Variants in GRIP1 observed in about 807,000 individuals in gnomAD.
GRIP1 encodes the protein glutamate receptor interacting protein 1, also known as glutamate receptor-interacting protein 1.
GRIP1 carries 45 observed loss-of-function variants against 129.9 expected under a neutral mutation model. That is an observed-to-expected ratio of 0.35 (90% CI 0.27 to 0.44). GRIP1 has a LOEUF of 0.44. Ranked by LOEUF, GRIP1 falls within the 20% of genes least tolerant of loss-of-function variation. The pLI is 1.00. For synonymous variants in GRIP1, 530 were observed against 520.8 expected, an observed-to-expected ratio of 1.02 and a Z score of -0.24; for missense variants, 1,196 against 1,396.8, an observed-to-expected ratio of 0.86 and a Z score of 2.29.
At chr12:66,351,490 G>T (rs1219576559) in intron 24 of GRIP1, among the ~76,000 whole-genome samples, 1 of 151,344 alleles carries the variant, frequency 6.6e-6, no homozygotes, top group Non-Finnish European at 1.5e-5. Context: ...AGAGAATAAG[G>T]TACTATCCCT....
At chr12:66,570,214 C>A (rs1278302139) in intron 2 of GRIP1, among the ~76,000 whole-genome samples, 2 of 152,104 alleles carry the variant, frequency 1.3e-5, no homozygotes, top group Admixed American at 6.5e-5. Flanking sequence ...AATTCCTGGG[C>A]TCAAGTGATC....
intron 2 of GRIP1, chr12:66,568,732 A>G (rs1006922719): frequency 8.6e-6 from 2 of 231,548 alleles, no homozygotes; most frequent in Non-Finnish European, 1.7e-5. Flanking sequence ...TTGTATTTAG[A>G]GAAGCCATTG....
At chr12:66,712,050 A>C (rs766270070) in intron 1 of GRIP1, among the ~76,000 whole-genome samples, 1 of 151,962 alleles carries the variant, frequency 6.6e-6, no homozygotes, top group Non-Finnish European at 1.5e-5. Flanking sequence ...GTTGTAGAAA[A>C]GTGACATTTT....
At chr12:66,699,519 G>A (rs570392821) in intron 1 of GRIP1, among the ~76,000 whole-genome samples, 5 of 152,014 alleles carry the variant, frequency 3.3e-5, no homozygotes, top group Non-Finnish European at 5.9e-5. Flanking sequence ...TCTTCCATTT[G>A]CTCTTGACTG....
chr12:66,890,266 T>G (rs2040637047), intron 1 of GRIP1, among the ~76,000 whole-genome samples: 1 of 152,140 alleles, frequency 6.6e-6, no homozygotes, highest in Admixed American at 6.6e-5. Context: ...ACATAGCCAT[T>G]TGGTGGCAAA....
At chr12:66,638,294 C>G (rs2031597447) in intron 1 of GRIP1, among the ~76,000 whole-genome samples, 1 of 152,112 alleles carries the variant, frequency 6.6e-6, no homozygotes, top group African/African-American at 2.4e-5. Flanking sequence ...TTACATATAA[C>G]TGTTTTAGGT....
chr12:67,069,170 C>T, upstream of GRIP1: 1 of 924,022 alleles, frequency 1.1e-6, no homozygotes, highest in Non-Finnish European at 1.3e-6. Flanking sequence ...TTCTCCGGGG[C>T]TCTCCGCGCC....
intron 1 of GRIP1, among the ~76,000 whole-genome samples, chr12:66,946,344 G>A (rs1195749530): frequency 6.6e-6 from 1 of 152,150 alleles, no homozygotes; most frequent in Non-Finnish European, 1.5e-5. Flanking sequence ...TAGAGGTCCT[G>A]AGATTGCAGA....
At chr12:66,550,644 A>G (rs535316698) in intron 2 of GRIP1, among the ~76,000 whole-genome samples, 104 of 152,208 alleles carry the variant, frequency 6.8e-4, no homozygotes, top group Non-Finnish European at 7.2e-4. Context: ...GAGCAATGTG[A>G]CAATCAAAGA....
intron 1 of GRIP1, among the ~76,000 whole-genome samples, chr12:66,912,868 T>G (rs2041053677): frequency 6.6e-6 from 1 of 152,162 alleles, no homozygotes; most frequent in Non-Finnish European, 1.5e-5. Flanking sequence ...ATTATTTTCT[T>G]TCTCTACTCA....
chr12:66,405,249 T>A (rs2057149484), intron 16 of GRIP1, among the ~76,000 whole-genome samples: 1 of 152,018 alleles, frequency 6.6e-6, no homozygotes, highest in African/African-American at 2.4e-5. Context: ...CAAAAAGACT[T>A]GTAAGTATAA....
intron 11 of GRIP1, among the ~76,000 whole-genome samples, chr12:66,450,979 A>G (rs1302506558): frequency 6.6e-6 from 1 of 152,202 alleles, no homozygotes; most frequent in African/African-American, 2.4e-5. Context: ...CTCTAGTAGC[A>G]GATGCTTCCG....
intron 1 of GRIP1, among the ~76,000 whole-genome samples, chr12:66,859,189 C>T (rs2040057587): frequency 7.1e-6 from 1 of 140,516 alleles, no homozygotes; most frequent in South Asian, 2.4e-4. Context: ...CTCTAAAATA[C>T]TAAACGCAAC....
At chr12:66,575,183 A>G (rs906744107) in intron 2 of GRIP1, among the ~76,000 whole-genome samples, 3 of 152,190 alleles carry the variant, frequency 2.0e-5, no homozygotes, top group Non-Finnish European at 2.9e-5. Context: ...GTGACTGATG[A>G]TAACAGTGGT....
chr12:67,025,746 C>A (rs1325351661), intron 1 of GRIP1, among the ~76,000 whole-genome samples: 2 of 151,984 alleles, frequency 1.3e-5, no homozygotes, highest in Non-Finnish European at 2.9e-5. Flanking sequence ...CTAGGTTTAC[C>A]CCAAGTGTGG....
intron 1 of GRIP1, among the ~76,000 whole-genome samples, chr12:66,857,319 A>C (rs1445843341): frequency 1.3e-5 from 2 of 152,146 alleles, no homozygotes; most frequent in African/African-American, 4.8e-5. Context: ...CACGTTGTGC[A>C]CATGTACCCT....
chr12:66,893,883 A>C (rs549809717), intron 1 of GRIP1, among the ~76,000 whole-genome samples: 1 of 152,150 alleles, frequency 6.6e-6, no homozygotes, highest in Non-Finnish European at 1.5e-5. Context: ...CAAAAGCCAA[A>C]GTCTGTCATT....
intron 1 of GRIP1, among the ~76,000 whole-genome samples, chr12:66,928,771 T>C (rs1229299612): frequency 6.6e-6 from 1 of 152,228 alleles, no homozygotes; most frequent in Non-Finnish European, 1.5e-5. Flanking sequence ...CAAGAGGAAT[T>C]TGTATTCTAG....
intron 14 of GRIP1, among the ~76,000 whole-genome samples, chr12:66,431,979 G>A (rs1042417012): frequency 4.6e-5 from 7 of 152,144 alleles, no homozygotes; most frequent in African/African-American, 1.7e-4. Flanking sequence ...CATTGTTTTA[G>A]TCTTGTGAAA....
Sources: allele counts gnomAD v4.1 joint callset (sites outside exome capture counted in the v4.1 genomes callset), GRCh38; gene constraint gnomAD v4.1.1; transcripts MANE v1.5; gene names NCBI Gene and HGNC (gene_info 2026-07-23, HGNC 2026-07-21).